The following SNX29 variants were observed in gnomAD, a reference collection of about 807,000 sequenced individuals.
SNX29 encodes sorting nexin 29.
Under a neutral mutation model 102.1 loss-of-function variants are expected in SNX29, and 78 were observed. The ratio of observed to expected loss-of-function variants is 0.76; its 90% CI spans 0.64 to 0.92. The LOEUF (loss-of-function observed/expected upper bound fraction) is 0.92. Among genes scored for constraint, SNX29 ranks in the 40% least tolerant of loss-of-function variants. The pLI, the probability that SNX29 is intolerant of heterozygous loss-of-function variation, is 0.00. For missense variants in SNX29, 1,280 were observed against 1,061.7 expected (o/e 1.21, Z -2.86); for synonymous variants, 580 against 414.5 (o/e 1.40, Z -4.85).
At chr16:12,283,680 G>A (rs955063430) in intron 15 of SNX29, among the ~76,000 whole-genome samples, 3 of 152,214 alleles carry the variant, frequency 2.0e-5, no homozygotes, top group Non-Finnish European at 4.4e-5. Flanking sequence ...CTCATGCCAA[G>A]AGTGGTCCTA....
chr16:12,224,905 C>T (rs1175266145), intron 14 of SNX29, among the ~76,000 whole-genome samples: 3 of 152,112 alleles, frequency 2.0e-5, no homozygotes, highest in Non-Finnish European at 2.9e-5. Flanking sequence ...TACATAGGGC[C>T]AGCTCAGAAC....
intron 18 of SNX29, among the ~76,000 whole-genome samples, chr16:12,461,955 CAAAAAA>C (rs1157975063): frequency 1.3e-3 from 34 of 25,474 alleles, no homozygotes; most frequent in South Asian, 4.1e-3. Flanking sequence ...GACTCTGTCT[CAAAAAA>C]AAAAAAAAAA....
intron 18 of SNX29, among the ~76,000 whole-genome samples, chr16:12,475,475 T>C (rs146580279): frequency 6.6e-5 from 10 of 152,240 alleles, no homozygotes; most frequent in Non-Finnish European, 1.0e-4. Context: ...TTAACTCTGC[T>C]GTACAGAAGC....
chr16:12,314,320 T>C (rs2151147814), intron 15 of SNX29, among the ~76,000 whole-genome samples: 5 of 152,348 alleles, frequency 3.3e-5, no homozygotes, highest in Admixed American at 3.3e-4. Flanking sequence ...GAAGTACCTG[T>C]TGGATGAATG....
intron 20 of SNX29, among the ~76,000 whole-genome samples, chr16:12,544,604 C>T (rs780461168): frequency 1.3e-5 from 2 of 152,182 alleles, no homozygotes; most frequent in Non-Finnish European, 2.9e-5. Flanking sequence ...AGTTGTCACT[C>T]CTGACTCTGC....
At chr16:12,510,726 C>G (rs1392541507) in intron 19 of SNX29, among the ~76,000 whole-genome samples, 1 of 151,974 alleles carries the variant, frequency 6.6e-6, no homozygotes, top group Non-Finnish European at 1.5e-5. Context: ...TCCTCCTCTC[C>G]TCCCCCACCC....
At chr16:12,300,226 A>G in intron 15 of SNX29, among the ~76,000 whole-genome samples, 1 of 152,152 alleles carries the variant, frequency 6.6e-6, no homozygotes, top group Non-Finnish European at 1.5e-5. Flanking sequence ...AAGTAACGTA[A>G]TCTCCATGTA....
At chr16:12,011,045 C>T (rs1031394783) in intron 3 of SNX29, among the ~76,000 whole-genome samples, 1 of 152,058 alleles carries the variant, frequency 6.6e-6, no homozygotes, top group African/African-American at 2.4e-5. Context: ...TTCTTGTCAT[C>T]CTGACCAAAA....
chr16:12,426,110 A>G (rs899828411), intron 18 of SNX29, among the ~76,000 whole-genome samples: 3 of 151,954 alleles, frequency 2.0e-5, no homozygotes, highest in Non-Finnish European at 2.9e-5. Flanking sequence ...AAGATACAGT[A>G]CTGTTTTAAT....
intron 4 of SNX29, among the ~76,000 whole-genome samples, chr16:12,036,334 CTTT>C (rs1217078180): frequency 8.9e-5 from 7 of 78,496 alleles, no homozygotes; most frequent in Admixed American, 3.0e-4. Context: ...TTCTTTCTTT[CTTT>C]TTTTTTTTTT....
At chr16:12,550,781 G>A (rs1454217831) in intron 20 of SNX29, among the ~76,000 whole-genome samples, 2 of 143,196 alleles carry the variant, frequency 1.4e-5, no homozygotes, top group African/African-American at 5.3e-5. Flanking sequence ...AGGCTGAATA[G>A]CTGAGATAAG....
rs1485263456 is a variant in SNX29 at position 12,365,358 on chromosome 16, G to GTGTGTGTGTA, written c.1899+9086_1899+9087insGTATGTGTGT. The stretch of plus-strand genomic sequence containing the variant: ...TGTGTGTGTGTGTGTGTGTGTGTGT[G>GTGTGTGTGTA]TGTGTGTTTAGCATACTCATCACAT... On this transcript the variant is annotated intron_variant, in intron 16 of 20. Coordinates refer to ENST00000566228, the MANE Select transcript of SNX29 (RefSeq NM_032167.5). Among the ~76,000 whole-genome samples the GTGTGTGTGTA allele has an allele frequency of 3.7e-3, 554 of 150,472 alleles. 1 individual carries two copies. The highest frequency in any genetic ancestry group is 0.013 in the African/African-American group (538 of 40,466).
chr16:12,314,333 C>T (rs1337481102), intron 15 of SNX29, among the ~76,000 whole-genome samples: 1 of 152,218 alleles, frequency 6.6e-6, no homozygotes, highest in Non-Finnish European at 1.5e-5. Flanking sequence ...GATGAATGGT[C>T]TGCAGATGTA....
At chr16:12,315,034 A>C (rs972231318) in intron 15 of SNX29, among the ~76,000 whole-genome samples, 4 of 152,160 alleles carry the variant, frequency 2.6e-5, no homozygotes, top group African/African-American at 9.7e-5. Flanking sequence ...CTGTTCCCTA[A>C]TTTTCTGCAC....
At chr16:12,420,544 G>A (rs2084831681) in intron 18 of SNX29, among the ~76,000 whole-genome samples, 1 of 152,162 alleles carries the variant, frequency 6.6e-6, no homozygotes, top group South Asian at 2.1e-4. Flanking sequence ...GATGGAGTAT[G>A]GTGTTGAGTC....
Position 12,574,002 on chromosome 16 carries a change from C to T in SNX29, c.*5373C>T, listed in dbSNP as rs868277512. ...GCCCATGATCGGCTCCCAGTGCACCCCCTTAAGGGTAAGCAGGCCACATAT... is the reference window on the plus strand; with the variant it reads ...GCCCATGATCGGCTCCCAGTGCACCTCCTTAAGGGTAAGCAGGCCACATAT... On this transcript the variant is annotated 3_prime_UTR_variant, in exon 21 of 21. Coordinates refer to ENST00000566228, the MANE Select transcript of SNX29 (RefSeq NM_032167.5). 9 of 198,044 alleles carry T rather than the reference C, an allele frequency of 4.5e-5. No homozygotes were observed. Among genetic ancestry groups the T allele is most frequent in the Middle Eastern group, 1.7e-3 (1 of 598 alleles). 12.3% of individuals were successfully genotyped at this position (198,044 alleles called of 1,614,324 possible).
intron 16 of SNX29, among the ~76,000 whole-genome samples, chr16:12,371,038 C>T (rs553246200): frequency 2.6e-5 from 4 of 152,310 alleles, no homozygotes; most frequent in East Asian, 1.9e-4. Flanking sequence ...GCAGAGCTGC[C>T]GTCCTGGTTT....
intron 14 of SNX29, among the ~76,000 whole-genome samples, chr16:12,238,334 C>T (rs1355784799): frequency 1.4e-5 from 2 of 147,714 alleles, no homozygotes; most frequent in African/African-American, 2.5e-5. Context: ...CGGAGTCTCG[C>T]TCTATCACGT....
chr16:12,438,918 A>G (rs1471161435), intron 18 of SNX29, among the ~76,000 whole-genome samples: 3 of 152,190 alleles, frequency 2.0e-5, no homozygotes, highest in Non-Finnish European at 2.9e-5. Flanking sequence ...AGAGAGGGAA[A>G]CACAGCAGGG....
Sources: gnomAD v4.1 joint callset for allele counts (sites outside exome capture counted in the v4.1 genomes callset) on GRCh38, gnomAD v4.1.1 for gene constraint, MANE v1.5 for transcripts, NCBI Gene and HGNC (gene_info 2026-07-23, HGNC 2026-07-21) for gene names.